Variants in RIC3 observed in about 807,000 individuals in gnomAD.
RIC3 encodes the protein protein RIC-3.
Under a neutral mutation model 27.3 loss-of-function variants are expected in RIC3, and 28 were observed. The observed-to-expected ratio is 1.02, with a 90% CI of 0.76 to 1.41. The LOEUF is 1.41. Ranked by LOEUF, RIC3 falls within the 40% of genes most tolerant of loss-of-function variation. The probability of loss-of-function intolerance (pLI) is 0.00; values close to 1 mark genes in which losing one functional copy is unlikely to be tolerated. For synonymous variants in RIC3, 184 were observed against 160.4 expected (o/e 1.15, Z -1.11); for missense variants, 501 against 444.7 (o/e 1.13, Z -1.14).
intron 1 of RIC3, among the ~76,000 whole-genome samples, chr11:8,143,494 G>C (rs996515831): frequency 1.3e-5 from 2 of 151,448 alleles, no homozygotes; most frequent in African/African-American, 4.8e-5. Context: ...CCTCTTCAAG[G>C]AGAACTACAA....
chr11:8,106,336 A>AGGTGGG lies in RIC3; in HGVS notation c.*4356_*4361dup, dbSNP rs1190944092. The AGGTGGG allele has an allele frequency of 2.6e-5, 4 of 152,188 alleles. No homozygotes were observed. The highest frequency in any genetic ancestry group is 9.7e-5 in the African/African-American group (4 of 41,448). The allele number at this position is 152,188 out of a possible 1,614,324, so 9.4% of individuals were successfully genotyped here. On this transcript the variant is annotated 3_prime_UTR_variant, in exon 6 of 6. Coordinates refer to ENST00000309737, the MANE Select transcript of RIC3 (RefSeq NM_001206671.4). ...TCATTCATTGTTTCCTAGGAGCCTC[A>AGGTGGG]GGTGGGTAAGTAGGTGATAATAGCA...
the RIC3 span, among the ~76,000 whole-genome samples, chr11:8,099,081 C>G: frequency 2.0e-5 from 3 of 152,088 alleles, no homozygotes; most frequent in Non-Finnish European, 2.9e-5. Flanking sequence ...AGCCGGCCAT[C>G]TGCTTGGGGA....
chr11:8,146,461 A>C (rs2134025419), intron 1 of RIC3, among the ~76,000 whole-genome samples: 1 of 152,364 alleles, frequency 6.6e-6, no homozygotes, highest in South Asian at 2.1e-4. Context: ...ACAAGAAAGT[A>C]AACTTGCACT....
intron 2 of RIC3, 133 bp from the exon 3 acceptor site, chr11:8,138,480 G>C: frequency 3.9e-6 from 2 of 512,118 alleles, no homozygotes; most frequent in Non-Finnish European, 6.9e-6. Context: ...AGCAACACTA[G>C]AGAAATAGCT....
chr11:8,161,512 C>G (rs78927476), intron 1 of RIC3, among the ~76,000 whole-genome samples: 2,574 of 152,318 alleles, frequency 0.017, 78 homozygotes, highest in African/African-American at 0.058. Context: ...CCATTGATAA[C>G]CTCTCTTGCT....
Position 8,134,826 on chromosome 11 carries a change from C to T in RIC3, c.521+2552G>A, listed in dbSNP as rs59349891. Among the ~76,000 whole-genome samples the T allele has an allele frequency of 2.7e-3, 405 of 152,184 alleles. 2 individuals carry two copies. Among genetic ancestry groups the T allele is most frequent in the African/African-American group, 9.4e-3 (389 of 41,496 alleles). On this transcript the variant is annotated intron_variant, in intron 4 of 5. Transcript: ENST00000309737. ...GAAGTGTCTGTTTATATCCTTTGCC[C>T]GCTTGTTGATGGGGTTGTTTTTTTC...
intron 1 of RIC3, among the ~76,000 whole-genome samples, chr11:8,155,881 T>C (rs1192407851): frequency 6.6e-6 from 1 of 152,196 alleles, no homozygotes; most frequent in African/African-American, 2.4e-5. Flanking sequence ...CATATTTGAT[T>C]CAGCATTACT....
intron 5 of RIC3, among the ~76,000 whole-genome samples, chr11:8,116,363 T>C (rs546455865): frequency 3.3e-5 from 5 of 152,318 alleles, no homozygotes; most frequent in African/African-American, 7.2e-5. Context: ...CTCCATGACA[T>C]TGGTCTGGAC....
rs1033692655 is a variant in RIC3 at position 8,106,574 on chromosome 11, G to A, written c.*4124C>T. 6.6e-6 allele frequency: 1 copy of A among 152,304 alleles called. No individual in the cohort carries two copies. Among genetic ancestry groups the A allele is most frequent in the Non-Finnish European group, 1.5e-5 (1 of 68,094 alleles). 9.4% of individuals were successfully genotyped at this position (152,304 alleles called of 1,614,324 possible). A position where few individuals can be genotyped will look rare whatever the true frequency, so the allele number is the denominator to read the frequency against. ...AGTATCCCCTGTGGGCCTGGCCTTA[G>A]GAAGAGAACAGGGCTGTAGAGATGA... On this transcript the variant is annotated 3_prime_UTR_variant, in exon 6 of 6. Coordinates refer to ENST00000309737, the MANE Select transcript of RIC3 (RefSeq NM_001206671.4).
chr11:8,129,049 C>T (rs116498002), intron 4 of RIC3, among the ~76,000 whole-genome samples: 2,572 of 152,016 alleles, frequency 0.017, 79 homozygotes, highest in African/African-American at 0.058. Context: ...CCACAGCGCC[C>T]GGCCAAAAAC....
the RIC3 span, chr11:8,093,902 G>T: frequency 2.2e-6 from 2 of 913,986 alleles, no homozygotes; most frequent in Admixed American, 2.1e-5. Flanking sequence ...GCCTGATCCT[G>T]TGGGCTGTAG....
intron 1 of RIC3, among the ~76,000 whole-genome samples, chr11:8,163,069 C>CACACA (rs1565138023): frequency 2.0e-4 from 28 of 138,262 alleles, no homozygotes; most frequent in South Asian, 7.2e-4. Context: ...ACACACACAC[C>CACACA]CCCCAAAACA....
intron 2 of RIC3, 171 bp downstream of exon 2, chr11:8,139,796 G>A: frequency 4.7e-6 from 3 of 639,150 alleles, no homozygotes; most frequent in Non-Finnish European, 7.9e-6. Context: ...TTTCTTATGT[G>A]AAACTGAAAT....
At chr11:8,097,756 T>G in the RIC3 span, 1 of 1,613,936 alleles carries the variant, frequency 6.2e-7, no homozygotes, top group East Asian at 2.2e-5. Context: ...GAGTAAAACT[T>G]CCAATTACCT....
At chr11:8,163,018 A>ACACACACACACACAC (rs1951323813) in intron 1 of RIC3, among the ~76,000 whole-genome samples, 2 of 135,964 alleles carry the variant, frequency 1.5e-5, no homozygotes, top group South Asian at 2.5e-4. Flanking sequence ...GGATTATTTA[A>ACACACACACACACAC]ACACACACAC....
intron 1 of RIC3, among the ~76,000 whole-genome samples, chr11:8,148,554 AT>A (rs1185185787): frequency 2.6e-5 from 4 of 152,230 alleles, no homozygotes; most frequent in African/African-American, 9.6e-5. Context: ...AAAATTAAAA[AT>A]TAAAAACAGG....
chr11:8,104,548 T>C (rs1198258264), downstream of RIC3: 1 of 152,200 alleles, frequency 6.6e-6, no homozygotes, highest in Admixed American at 6.5e-5. Flanking sequence ...ATAAGGATGT[T>C]GTTATGATCG....
intron 2 of RIC3, 117 bp from the exon 3 acceptor site, chr11:8,138,464 T>G (rs1195017450): frequency 1.7e-6 from 1 of 587,196 alleles, no homozygotes; most frequent in Non-Finnish European, 3.0e-6. Context: ...AGAAATTAAA[T>G]CAAATAGCAA....
chr11:8,154,609 T>C lies in RIC3; in HGVS notation c.124+14257A>G, dbSNP rs137948122. Among the ~76,000 whole-genome samples, 972 of 152,358 alleles carry C rather than the reference T, an allele frequency of 6.4e-3. 22 individuals carry two copies. The highest frequency in any genetic ancestry group is 0.051 in the Admixed American group (781 of 15,304). ...ACATGTATAGCTCTAGTTGATTCAT[T>C]TAAACTGCAATATAGCATCACATTG... On this transcript the variant is annotated intron_variant, in intron 1 of 5. Coordinates refer to ENST00000309737, the MANE Select transcript of RIC3 (RefSeq NM_001206671.4).
Sources: allele counts gnomAD v4.1 joint callset (sites outside exome capture counted in the v4.1 genomes callset), GRCh38; gene constraint gnomAD v4.1.1; transcripts MANE v1.5; gene names NCBI Gene and HGNC (gene_info 2026-07-23, HGNC 2026-07-21).